SYT1: variants seen among roughly 807,000 people sequenced by gnomAD.
The protein encoded by SYT1 is synaptotagmin-1.
A neutral mutation model predicts 44.8 loss-of-function variants in SYT1; 8 were observed. The observed-to-expected ratio is 0.18, with a 90% confidence interval of 0.10 to 0.32. The LOEUF (loss-of-function observed/expected upper bound fraction) is 0.32, where lower values mean the gene tolerates loss of function less well. Among genes scored for constraint, SYT1 ranks in the 10% least tolerant of loss-of-function variants. SYT1 has a pLI of 1.00. For missense variants in SYT1, 286 were observed against 509.3 expected (o/e 0.56, Z 4.22); for synonymous variants, 154 against 188.8 (o/e 0.82, Z 1.51).
intron 8 of SYT1, among the ~76,000 whole-genome samples, chr12:79,334,203 A>T (rs1324999619): frequency 1.3e-5 from 2 of 152,008 alleles, no homozygotes; most frequent in East Asian, 3.9e-4. Flanking sequence ...TTTCTTACTG[A>T]GGTACAAACT....
At chr12:79,163,131 A>G (rs1426045512) in intron 3 of SYT1, among the ~76,000 whole-genome samples, 1 of 152,060 alleles carries the variant, frequency 6.6e-6, no homozygotes, top group East Asian at 1.9e-4. Context: ...GCACCCAGAG[A>G]CGTCACACTG....
At chr12:79,219,167 A>G (rs1236344000) in intron 4 of SYT1, among the ~76,000 whole-genome samples, 1 of 152,048 alleles carries the variant, frequency 6.6e-6, no homozygotes, top group Non-Finnish European at 1.5e-5. Context: ...TCTTTTGAGA[A>G]ATGTCTAGTC....
rs1236476988 is a variant in SYT1, at chr12:79,379,644, TC to T, written c.928+26026del. 8.5e-5 allele frequency among the ~76,000 whole-genome samples: 13 copies of T among 152,320 alleles called. No homozygotes were observed. The East Asian group carries it at 2.5e-3, about 29-fold the overall frequency. On this transcript the variant is annotated intron_variant, in intron 9 of 10. Coordinates refer to ENST00000261205, the MANE Select transcript of SYT1 (RefSeq NM_005639.3). ...ATTTCAAATAAACATCTCCATTTTG[TC>T]TTTTGCCTCTTCATGTAGTAATCGT...
chr12:79,285,594 G>A (rs963853804), intron 4 of SYT1, among the ~76,000 whole-genome samples, 193 bp from the exon 5 acceptor site: 4 of 152,196 alleles, frequency 2.6e-5, no homozygotes, highest in Admixed American at 6.5e-5. Flanking sequence ...GAAGGGCAAA[G>A]TGGGAAAGAA....
In SYT1 at chr12:79,211,399, A is replaced by AT. The variant is rs747018475; in HGVS notation, c.-17-6098dup. On this transcript the variant is annotated intron_variant, in intron 3 of 10. Coordinates refer to ENST00000261205, the MANE Select transcript of SYT1 (RefSeq NM_005639.3). ...TTGCTTTTATATCCATTTAAGATTA[A>AT]TTTTTTATTGAGAATTTCTAGAAGA... 1.6e-4 allele frequency among the ~76,000 whole-genome samples: 25 copies of AT among 152,274 alleles called. No individual in the cohort carries two copies. In the East Asian group the frequency reaches 1.9e-3, roughly 12 times the overall value.
intron 3 of SYT1, among the ~76,000 whole-genome samples, chr12:79,185,977 A>T (rs1338405856): frequency 1.3e-5 from 2 of 152,008 alleles, no homozygotes; most frequent in African/African-American, 4.8e-5. Context: ...AAAATAGTTC[A>T]TTTGGTGTCA....
chr12:79,396,704 G>A (rs1010261326), intron 9 of SYT1, among the ~76,000 whole-genome samples: 31 of 152,182 alleles, frequency 2.0e-4, no homozygotes, highest in African/African-American at 7.0e-4. Context: ...TGACTTGATT[G>A]AAGGATGATA....
chr12:79,419,954 C>G (rs1435805817), intron 9 of SYT1, among the ~76,000 whole-genome samples: 6 of 152,056 alleles, frequency 3.9e-5, no homozygotes, highest in Admixed American at 3.9e-4. Context: ...ATCATATATC[C>G]TTCTGCAACT....
At chr12:79,147,744 A>C (rs1177640621) in intron 3 of SYT1, among the ~76,000 whole-genome samples, 1 of 152,214 alleles carries the variant, frequency 6.6e-6, no homozygotes, top group African/African-American at 2.4e-5. Context: ...AGTTCATAAA[A>C]GTCTGAGATT....
At chr12:78,925,842 C>A (rs1273777829) in intron 1 of SYT1, among the ~76,000 whole-genome samples, 1 of 151,914 alleles carries the variant, frequency 6.6e-6, no homozygotes, top group East Asian at 1.9e-4. Flanking sequence ...GAACAAAACT[C>A]TTCTAAAATT....
At chr12:79,156,453 G>A (rs1870599617) in intron 3 of SYT1, among the ~76,000 whole-genome samples, 1 of 151,918 alleles carries the variant, frequency 6.6e-6, no homozygotes, top group African/African-American at 2.4e-5. Context: ...TGTTGTTGTT[G>A]TTGTTGTTGT....
chr12:79,265,079 A>G (rs1237677694), intron 4 of SYT1, among the ~76,000 whole-genome samples: 1 of 152,252 alleles, frequency 6.6e-6, no homozygotes, highest in East Asian at 1.9e-4. Context: ...AGTTTTCAAC[A>G]TTTTTAAGTT....
At chr12:78,985,694 A>G (rs1869593788) in intron 2 of SYT1, among the ~76,000 whole-genome samples, 1 of 151,916 alleles carries the variant, frequency 6.6e-6, no homozygotes, top group Non-Finnish European at 1.5e-5. Context: ...GTTAATTCTG[A>G]GTATAAATGT....
intron 9 of SYT1, among the ~76,000 whole-genome samples, chr12:79,425,668 AT>A (rs1248193535): frequency 6.6e-6 from 1 of 152,130 alleles, no homozygotes; most frequent in Non-Finnish European, 1.5e-5. Flanking sequence ...CTCTTTCAAT[AT>A]TTTTTAGAAG....
At chr12:79,252,653 C>T (rs946911046) in intron 4 of SYT1, among the ~76,000 whole-genome samples, 13 of 152,232 alleles carry the variant, frequency 8.5e-5, no homozygotes, top group Middle Eastern at 6.8e-3. Flanking sequence ...CAACCCAGGT[C>T]TCTAAGTGAC....
intron 2 of SYT1, among the ~76,000 whole-genome samples, chr12:79,012,804 T>C (rs1565762000): frequency 6.6e-6 from 1 of 152,162 alleles, no homozygotes; most frequent in Non-Finnish European, 1.5e-5. Context: ...TGCTTTGTAG[T>C]CAGAATGGCA....
chr12:79,227,406 G>A (rs939993167), intron 4 of SYT1, among the ~76,000 whole-genome samples: 2 of 152,058 alleles, frequency 1.3e-5, no homozygotes, highest in African/African-American at 4.8e-5. Context: ...ATGAACTCAT[G>A]TCATCTGAAT....
At chr12:79,397,725 C>T (rs1434050181) in intron 9 of SYT1, among the ~76,000 whole-genome samples, 1 of 152,148 alleles carries the variant, frequency 6.6e-6, no homozygotes, top group African/African-American at 2.4e-5. Flanking sequence ...CTTTATCATT[C>T]TTTTAGGTCA....
intron 3 of SYT1, among the ~76,000 whole-genome samples, chr12:79,108,254 A>C (rs1354854063): frequency 6.6e-6 from 1 of 151,776 alleles, no homozygotes; most frequent in Non-Finnish European, 1.5e-5. Context: ...CTTTCTTCTG[A>C]CTGTATTTTT....
Sources: allele counts gnomAD v4.1 joint callset (sites outside exome capture counted in the v4.1 genomes callset), GRCh38; gene constraint gnomAD v4.1.1; transcripts MANE v1.5; gene names NCBI Gene and HGNC (gene_info 2026-07-23, HGNC 2026-07-21).